EYS: variants seen among roughly 807,000 people sequenced by gnomAD.
EYS encodes EGF-like photoreceptor maintenance factor.
Under a neutral mutation model 282.1 loss-of-function variants are expected in EYS, and 250 were observed. The ratio of observed to expected loss-of-function variants is 0.89; its 90% CI spans 0.80 to 0.98. The LOEUF (loss-of-function observed/expected upper bound fraction) is 0.98. EYS is among the 50% of genes least tolerant of loss of function. The probability of loss-of-function intolerance (pLI) is 0.00; values close to 1 mark genes in which losing one functional copy is unlikely to be tolerated. For missense variants in EYS, 4,016 were observed against 3,709.0 expected, an observed-to-expected ratio of 1.08 and a Z score of -2.15; for synonymous variants, 1,355 against 1,282.9, an observed-to-expected ratio of 1.06 and a Z score of -1.20.
chr6:64,405,477 C>T (rs996222090), intron 28 of EYS, among the ~76,000 whole-genome samples: 12 of 151,946 alleles, frequency 7.9e-5, no homozygotes, highest in Admixed American at 3.3e-4. Context: ...AGTTCTGGCC[C>T]GGCAATCAAG....
intron 12 of EYS, among the ~76,000 whole-genome samples, chr6:65,229,210 G>A (rs1766705715): frequency 1.3e-5 from 2 of 151,884 alleles, no homozygotes; most frequent in Non-Finnish European, 1.5e-5. Flanking sequence ...AGATTAGAAA[G>A]TGTCCAGTGT....
At chr6:64,251,781 T>C (rs1166240432) in intron 30 of EYS, among the ~76,000 whole-genome samples, 1 of 152,118 alleles carries the variant, frequency 6.6e-6, no homozygotes, top group Non-Finnish European at 1.5e-5. Context: ...TCACACACCA[T>C]TAAGAAGCTC....
intron 31 of EYS, among the ~76,000 whole-genome samples, chr6:64,183,759 CAGT>C (rs543269885): frequency 2.4e-3 from 363 of 152,182 alleles, no homozygotes; most frequent in Non-Finnish European, 3.5e-3. Context: ...TTGATTGAAA[CAGT>C]GGTGGGACAT....
rs1291150976 is a variant in EYS, at chr6:65,384,421, C to A, written c.1264G>T (p.Glu422Ter). ...CKLLSINCLNEEWCFNIIGRF... is the reference protein window; with the variant it reads ...CKLLSINCLN Reference sequence around the variant, plus strand: ...CCAATTATATTGAAACACCATTCTTCATTCAGACAGTTGATGCTGAGCAGT... The same window carrying A: ...CCAATTATATTGAAACACCATTCTTAATTCAGACAGTTGATGCTGAGCAGT... Residue 422 changes from glutamate (E) to a stop codon, truncating the protein, a stop_gained, in exon 8 of 43, where the codon GAA becomes TAA. Coordinates refer to ENST00000503581, the MANE Select transcript of EYS (RefSeq NM_001142800.2). LOFTEE classifies it high-confidence loss of function. 1.2e-6 allele frequency: 2 copies of A among 1,608,670 alleles called. No individual in the cohort carries two copies. Among genetic ancestry groups the A allele is most frequent in the Non-Finnish European group, 1.7e-6 (2 of 1,177,004 alleles).
intron 22 of EYS, among the ~76,000 whole-genome samples, chr6:64,657,623 T>C (rs1768798191): frequency 6.6e-6 from 1 of 152,136 alleles, no homozygotes; most frequent in South Asian, 2.1e-4. Context: ...AAGCTTAGTT[T>C]GGCTGGATAT....
At chr6:64,369,578 G>T (rs1448128080) in intron 29 of EYS, among the ~76,000 whole-genome samples, 2 of 151,862 alleles carry the variant, frequency 1.3e-5, no homozygotes, top group Non-Finnish European at 2.9e-5. Context: ...GTCATCCTTG[G>T]TTTCTTTGAG....
At chr6:65,158,831 C>G (rs768149808) in intron 12 of EYS, among the ~76,000 whole-genome samples, 1 of 150,870 alleles carries the variant, frequency 6.6e-6, no homozygotes, top group African/African-American at 2.4e-5. Flanking sequence ...ATAGATAATG[C>G]AACACTTTCT....
intron 26 of EYS, among the ~76,000 whole-genome samples, chr6:64,522,388 A>G (rs1197298580): frequency 6.6e-6 from 1 of 151,762 alleles, no homozygotes; most frequent in Non-Finnish European, 1.5e-5. Context: ...GAATGTAGAA[A>G]AGAACATAAA....
chr6:64,456,996 T>C (rs1410537332), intron 26 of EYS, among the ~76,000 whole-genome samples: 1 of 152,050 alleles, frequency 6.6e-6, no homozygotes, highest in Non-Finnish European at 1.5e-5. Context: ...TTTTTTGATG[T>C]AGGTGTTTAT....
intron 13 of EYS, among the ~76,000 whole-genome samples, chr6:65,045,234 CTGATCTT>C (rs1366782445): frequency 5.9e-5 from 9 of 151,996 alleles, no homozygotes; most frequent in Admixed American, 5.3e-4. Flanking sequence ...TCTGAACACT[CTGATCTT>C]TGACAAAATA....
intron 31 of EYS, among the ~76,000 whole-genome samples, chr6:64,111,186 A>AG (rs1773191882): frequency 2.0e-5 from 3 of 151,980 alleles, no homozygotes; most frequent in Non-Finnish European, 4.4e-5. Context: ...AGTAAAATTC[A>AG]CTCTACTAGT....
At chr6:65,579,454 G>A (rs1335128330) in intron 2 of EYS, among the ~76,000 whole-genome samples, 1 of 152,092 alleles carries the variant, frequency 6.6e-6, no homozygotes, top group Non-Finnish European at 1.5e-5. Context: ...CAGCTCGGCT[G>A]CCAAAAGAAA....
At chr6:63,903,198 T>G (rs571000849) in intron 35 of EYS, among the ~76,000 whole-genome samples, 1 of 152,268 alleles carries the variant, frequency 6.6e-6, no homozygotes, top group East Asian at 1.9e-4. Context: ...ATGAACATAT[T>G]GATCAAATAT....
intron 24 of EYS, among the ~76,000 whole-genome samples, chr6:64,608,585 C>T (rs185815241): frequency 2.4e-3 from 369 of 152,160 alleles, no homozygotes; most frequent in Non-Finnish European, 4.0e-3. Context: ...GAATTGAAAA[C>T]ATGTTCACAC....
chr6:64,302,496 A>T (rs1356343616), intron 30 of EYS, among the ~76,000 whole-genome samples: 1 of 152,180 alleles, frequency 6.6e-6, no homozygotes, highest in Admixed American at 6.5e-5. Flanking sequence ...GTCATTAAAC[A>T]TCTCCTTTCA....
chr6:63,741,969 A>G (rs1769087026), intron 41 of EYS: 2 of 702,246 alleles, frequency 2.8e-6, no homozygotes, highest in African/African-American at 1.7e-5. Flanking sequence ...CACAATGAGG[A>G]TAAGTGCTAA....
intron 26 of EYS, among the ~76,000 whole-genome samples, chr6:64,553,152 G>A (rs533884474): frequency 6.0e-5 from 9 of 150,964 alleles, no homozygotes; most frequent in African/African-American, 2.2e-4. Context: ...GTGTCATGGG[G>A]CCAAGGTCAC....
At chr6:65,533,646 C>T (rs1370963466) in intron 2 of EYS, among the ~76,000 whole-genome samples, 1 of 152,022 alleles carries the variant, frequency 6.6e-6, no homozygotes, top group African/African-American at 2.4e-5. Context: ...GAATAAGTGC[C>T]TTTATAAAAG....
At chr6:64,622,210 T>G (rs1043188847) in intron 23 of EYS, among the ~76,000 whole-genome samples, 1 of 152,144 alleles carries the variant, frequency 6.6e-6, no homozygotes, top group African/African-American at 2.4e-5. Context: ...TATACCTTGT[T>G]GGCTTGGAGG....
Sources: allele counts gnomAD v4.1 joint callset (sites outside exome capture counted in the v4.1 genomes callset), GRCh38; gene constraint gnomAD v4.1.1; transcripts MANE v1.5; gene names NCBI Gene and HGNC (gene_info 2026-07-23, HGNC 2026-07-21).